THADA: variants seen among roughly 807,000 people sequenced by gnomAD.
The protein encoded by THADA is tRNA (32-2'-O)-methyltransferase regulator THADA.
Under a neutral mutation model 219.8 loss-of-function variants are expected in THADA, and 213 were observed. That is an observed-to-expected ratio of 0.97 (90% CI 0.87 to 1.09). THADA has a LOEUF of 1.09. Ranked by LOEUF, THADA falls within the 50% of genes least tolerant of loss-of-function variation. THADA has a pLI of 0.00. For synonymous variants in THADA, 1,018 were observed against 828.9 expected (o/e 1.23, Z -3.92); for missense variants, 2,956 against 2,311.3 (o/e 1.28, Z -5.72).
intron 28 of THADA, among the ~76,000 whole-genome samples, chr2:43,427,798 T>TA (rs1678667462): frequency 6.7e-6 from 1 of 148,696 alleles, no homozygotes; most frequent in Admixed American, 6.7e-5. Flanking sequence ...CTACTAAAAA[T>TA]ACAAAAAATT....
At position 43,387,197 on chromosome 2, in the gene THADA, A is replaced by T. The variant is rs556145283; in HGVS notation, c.4227+10774T>A. 1.1e-3 allele frequency among the ~76,000 whole-genome samples: 168 copies of T among 152,302 alleles called. 1 individual carries two copies. The highest frequency in any genetic ancestry group is 3.9e-3 in the African/African-American group (164 of 41,572). The stretch of plus-strand genomic sequence containing the variant: ...GTAAAGAAGTGAGAAAATTTTAATT[A>T]TGTGTCATTTTCCGAAGCTTCCTTA... On this transcript the variant is annotated intron_variant, in intron 29 of 37. Coordinates refer to ENST00000405975, the MANE Select transcript of THADA (RefSeq NM_022065.5).
chr2:43,556,396 A>T lies in THADA; in HGVS notation c.2623T>A (p.Cys875Ser). Residue 875 changes from cysteine to serine, a missense_variant, in exon 17 of 38, where the codon TGT becomes AGT. Coordinates refer to ENST00000405975, the MANE Select transcript of THADA (RefSeq NM_022065.5). ...LSAYLTQQVA[C>S]DNGDRPAAVV... ...GCAGCAGGCCTATCTCCATTATCAC[A>T]TGCAACTTGCTGAGTTAAGTAGGCA... is the stretch of plus-strand genomic sequence containing the variant. 8.1e-6 allele frequency: 13 copies of T among 1,613,872 alleles called. No individual in the cohort carries two copies. The highest frequency in any genetic ancestry group is 1.1e-5 in the Non-Finnish European group (13 of 1,179,832).
At chr2:43,377,253 C>T (rs770663008) in intron 29 of THADA, among the ~76,000 whole-genome samples, 15 of 152,160 alleles carry the variant, frequency 9.9e-5, no homozygotes, top group Non-Finnish European at 1.9e-4. Flanking sequence ...AATTAATATG[C>T]TCTTATATGT....
intron 31 of THADA, among the ~76,000 whole-genome samples, chr2:43,317,786 C>T (rs1398521290): frequency 6.6e-6 from 1 of 152,060 alleles, no homozygotes; most frequent in Non-Finnish European, 1.5e-5. Flanking sequence ...ACACATCTAG[C>T]GATTTTATGA....
intron 20 of THADA, among the ~76,000 whole-genome samples, chr2:43,541,813 T>A (rs534046641): frequency 6.6e-6 from 1 of 152,288 alleles, no homozygotes; most frequent in Admixed American, 6.5e-5. Context: ...AATTTATTAT[T>A]TTCAAATTAA....
chr2:43,279,329 C>T (rs1173553325), intron 36 of THADA, among the ~76,000 whole-genome samples: 4 of 152,238 alleles, frequency 2.6e-5, no homozygotes, highest in South Asian at 4.1e-4. Flanking sequence ...AATCATTTCT[C>T]GCTTTCTGTC....
intron 20 of THADA, among the ~76,000 whole-genome samples, chr2:43,541,882 T>G (rs766322049): frequency 7.9e-5 from 12 of 152,314 alleles, no homozygotes; most frequent in Non-Finnish European, 1.8e-4. Context: ...TTTCCAAAGA[T>G]TAAACAAACT....
chr2:43,505,696 A>G lies in THADA; in HGVS notation c.3547T>C (p.Leu1183=). Reference sequence around the variant, plus strand: ...AACTCTTTCATTGTTATTTTCAACAAATCCATTCTGCCTTTCTTTGGTTCA... The same window carrying G: ...AACTCTTTCATTGTTATTTTCAACAGATCCATTCTGCCTTTCTTTGGTTCA... ...ASEPKKGRMD[L]LKITMKELIS... is the part of the protein sequence containing the mutation. Residue 1183 remains leucine, a synonymous_variant, in exon 24 of 38, where the codon TTG becomes CTG. Transcript: ENST00000405975. The G allele has an allele frequency of 6.3e-7, 1 of 1,592,070 alleles. No individual in the cohort carries two copies. Among genetic ancestry groups the G allele is most frequent in the South Asian group, 1.1e-5 (1 of 87,500 alleles).
At chr2:43,271,231 G>A (rs911295418) in intron 36 of THADA, among the ~76,000 whole-genome samples, 5 of 152,246 alleles carry the variant, frequency 3.3e-5, no homozygotes, top group Non-Finnish European at 5.9e-5. Flanking sequence ...CCAGTATGGA[G>A]TGACAAGGGA....
At chr2:43,414,784 G>T (rs1420504217) in intron 28 of THADA, among the ~76,000 whole-genome samples, 1 of 152,166 alleles carries the variant, frequency 6.6e-6, no homozygotes, top group African/African-American at 2.4e-5. Context: ...TATCAGCAGG[G>T]TCTTTTATCT....
rs931115373 is a variant in THADA, at chr2:43,434,051, A to G, written c.3837-3749T>C. On this transcript the variant is annotated intron_variant, in intron 26 of 37. Coordinates refer to ENST00000405975, the MANE Select transcript of THADA (RefSeq NM_022065.5). ...AGGGCCAAGAGTAAGAGTAGCAAAG[A>G]TAATCTTAAAGAAGAACAAGGTTGG... 2.0e-5 allele frequency among the ~76,000 whole-genome samples: 3 copies of G among 152,352 alleles called. No individual in the cohort carries two copies. The South Asian group carries it at 6.2e-4, about 32-fold the overall frequency.
chr2:43,496,499 C>T (rs543037272), intron 25 of THADA, among the ~76,000 whole-genome samples: 3 of 152,190 alleles, frequency 2.0e-5, no homozygotes, highest in African/African-American at 7.2e-5. Flanking sequence ...ATTTGTAGCA[C>T]TAACTTAACA....
intron 30 of THADA, among the ~76,000 whole-genome samples, chr2:43,321,293 A>G (rs1678683671): frequency 6.6e-6 from 1 of 152,234 alleles, no homozygotes; most frequent in Non-Finnish European, 1.5e-5. Flanking sequence ...TAGAGACAGT[A>G]GGGACAGACC....
intron 27 of THADA, 68 bp from the exon 28 acceptor site, chr2:43,428,299 T>C: frequency 7.0e-7 from 1 of 1,436,030 alleles, no homozygotes; most frequent in East Asian, 2.7e-5. Flanking sequence ...CCTTCAAACA[T>C]TTTTCTCATG....
intron 36 of THADA, among the ~76,000 whole-genome samples, chr2:43,244,862 A>G (rs941091960): frequency 2.0e-5 from 3 of 152,172 alleles, no homozygotes; most frequent in African/African-American, 7.2e-5. Context: ...CTTCATTCCT[A>G]TCTGCATGGC....
chr2:43,411,716 C>T (rs7568365), intron 28 of THADA, among the ~76,000 whole-genome samples: 103,642 of 151,988 alleles, frequency 0.68, 36,517 homozygotes, highest in African/African-American at 0.82. Flanking sequence ...ATTACATACA[C>T]CTATACCCTG....
At chr2:43,403,297 C>A (rs1558704910) in intron 28 of THADA, among the ~76,000 whole-genome samples, 1 of 152,140 alleles carries the variant, frequency 6.6e-6, no homozygotes, top group African/African-American at 2.4e-5. Context: ...ACTTAGAGAA[C>A]CAATCAGTCT....
intron 29 of THADA, among the ~76,000 whole-genome samples, chr2:43,355,115 A>G (rs985333394): frequency 5.3e-5 from 8 of 152,194 alleles, no homozygotes; most frequent in African/African-American, 1.9e-4. Flanking sequence ...ACAAACTAAT[A>G]CACCATTCAT....
chr2:43,265,441 G>A (rs1209293296), intron 36 of THADA, among the ~76,000 whole-genome samples: 1 of 152,216 alleles, frequency 6.6e-6, no homozygotes, highest in Admixed American at 6.5e-5. Flanking sequence ...AGCTTTAAGA[G>A]CGTTCCCTTG....
Sources: gnomAD v4.1 joint callset for allele counts (sites outside exome capture counted in the v4.1 genomes callset) on GRCh38, gnomAD v4.1.1 for gene constraint, MANE v1.5 for transcripts, NCBI Gene and HGNC (gene_info 2026-07-23, HGNC 2026-07-21) for gene names.